The following TNFSF10 variants were observed in gnomAD, a reference collection of about 807,000 sequenced individuals.
TNFSF10 encodes TNF superfamily member 10.
A neutral mutation model predicts 29.5 loss-of-function variants in TNFSF10; 13 were observed. The ratio of observed to expected loss-of-function variants is 0.44; its 90% confidence interval spans 0.29 to 0.70. TNFSF10 has a LOEUF of 0.70. Among genes scored for constraint, TNFSF10 ranks in the 30% least tolerant of loss-of-function variants. TNFSF10 has a pLI of 0.13. For missense variants in TNFSF10, 345 were observed against 330.9 expected (o/e 1.04, Z -0.33); for synonymous variants, 111 against 112.8 (o/e 0.98, Z 0.10).
chr3:172,516,494 C>A (rs1713443572), intron 1 of TNFSF10, among the ~76,000 whole-genome samples: 1 of 152,130 alleles, frequency 6.6e-6, no homozygotes, highest in South Asian at 2.1e-4. Flanking sequence ...GCCATGTAAC[C>A]CTTGGACATT....
At chr3:172,519,644 T>C (rs1343117876) in intron 1 of TNFSF10, among the ~76,000 whole-genome samples, 2 of 152,238 alleles carry the variant, frequency 1.3e-5, no homozygotes, top group African/African-American at 2.4e-5. Flanking sequence ...CTGACTTTAC[T>C]GGTCATCTAA....
intron 1 of TNFSF10, among the ~76,000 whole-genome samples, chr3:172,517,034 T>C (rs948972216): frequency 6.6e-6 from 1 of 152,212 alleles, no homozygotes; most frequent in African/African-American, 2.4e-5. Flanking sequence ...TGTAACTTGT[T>C]GGGGCAAGAA....
chr3:172,508,038 A>G (rs1233585640), intron 4 of TNFSF10, among the ~76,000 whole-genome samples: 1 of 152,178 alleles, frequency 6.6e-6, no homozygotes, highest in Admixed American at 6.5e-5. Flanking sequence ...CTAGATATTT[A>G]CACTATAAGA....
intron 1 of TNFSF10, among the ~76,000 whole-genome samples, chr3:172,521,032 C>T (rs1256438827): frequency 6.6e-6 from 1 of 152,186 alleles, no homozygotes; most frequent in Non-Finnish European, 1.5e-5. Flanking sequence ...CCCTTCCTTA[C>T]AGCTTCTACA....
At chr3:172,515,902 A>G (rs1011304263) in intron 1 of TNFSF10, among the ~76,000 whole-genome samples, 1 of 152,222 alleles carries the variant, frequency 6.6e-6, no homozygotes, top group East Asian at 1.9e-4. Flanking sequence ...TGCTTTGCTC[A>G]TTTCTTCTCT....
chr3:172,507,300 G>A (rs957030177), intron 4 of TNFSF10: 3 of 190,600 alleles, frequency 1.6e-5, no homozygotes, highest in Non-Finnish European at 3.2e-5. Context: ...GAACTTAAGT[G>A]GACAATCCAG....
chr3:172,517,073 G>A (rs143364218), intron 1 of TNFSF10, among the ~76,000 whole-genome samples: 8 of 152,308 alleles, frequency 5.3e-5, no homozygotes, highest in Non-Finnish European at 1.2e-4. Flanking sequence ...AGGAGGGAGC[G>A]GTATGCCTTT....
chr3:172,516,124 C>A (rs149054521), intron 1 of TNFSF10, among the ~76,000 whole-genome samples: 1 of 151,932 alleles, frequency 6.6e-6, no homozygotes, highest in Non-Finnish European at 1.5e-5. Flanking sequence ...ATTAGCTGGG[C>A]GTGGTGGCGG....
At chr3:172,518,568 T>C in intron 1 of TNFSF10, 1 of 943,698 alleles carries the variant, frequency 1.1e-6, no homozygotes, top group South Asian at 1.5e-5. Context: ...CATTCCTTTA[T>C]CATAAAACTT....
chr3:172,506,944 G>T (rs1201470697), intron 4 of TNFSF10, 25 bp from the exon 5 acceptor site: 1 of 1,534,544 alleles, frequency 6.5e-7, no homozygotes, highest in African/African-American at 1.4e-5. Context: ...GAGAGAAAGA[G>T]CGTTAACAGA....
chr3:172,518,911 G>A (rs1296721873), intron 1 of TNFSF10, among the ~76,000 whole-genome samples: 1 of 150,478 alleles, frequency 6.6e-6, no homozygotes, highest in Non-Finnish European at 1.5e-5. Context: ...TATAAAAATA[G>A]CATTGTATTG....
intron 1 of TNFSF10, chr3:172,517,717 T>C (rs932660135): frequency 2.2e-5 from 22 of 985,018 alleles, no homozygotes; most frequent in Non-Finnish European, 2.7e-5. Flanking sequence ...GTTCTTTAAA[T>C]CTGTATGAAA....
Position 172,511,677 on chromosome 3 carries a change from T to G in TNFSF10, c.271-18A>C. ...AAAATCATCTGCAAATATTATTGAATAAAGCTTGTTAATTTCCCTAAAAAT... is the reference window on the plus strand; with the variant it reads ...AAAATCATCTGCAAATATTATTGAAGAAAGCTTGTTAATTTCCCTAAAAAT... On this transcript the variant is annotated intron_variant, in intron 2 of 4. Coordinates refer to ENST00000241261, the MANE Select transcript of TNFSF10 (RefSeq NM_003810.4). The G allele has an allele frequency of 6.2e-7, 1 of 1,607,648 alleles. No homozygotes were observed. The highest frequency in any genetic ancestry group is 8.5e-7 in the Non-Finnish European group (1 of 1,176,154).
At chr3:172,518,411 G>A in intron 1 of TNFSF10, 5 of 1,289,258 alleles carry the variant, frequency 3.9e-6, no homozygotes, top group East Asian at 5.5e-5. Flanking sequence ...CAAGATGGCA[G>A]CAATGACCCT....
intron 1 of TNFSF10, among the ~76,000 whole-genome samples, chr3:172,516,585 T>C (rs1184896962): frequency 1.3e-5 from 2 of 152,226 alleles, no homozygotes; most frequent in African/African-American, 4.8e-5. Context: ...ATCATTCATT[T>C]ACTTTTAAAC....
intron 1 of TNFSF10, among the ~76,000 whole-genome samples, chr3:172,516,000 T>C (rs1018424850): frequency 9.9e-5 from 15 of 152,174 alleles, no homozygotes; most frequent in South Asian, 2.1e-4. Context: ...CGGTGGCTCA[T>C]GCCTATAATC....
intron 2 of TNFSF10, 57 bp downstream of exon 2, chr3:172,514,804 A>G: frequency 6.3e-7 from 1 of 1,592,706 alleles, no homozygotes; most frequent in Non-Finnish European, 8.5e-7. Flanking sequence ...CTTTGCTTTA[A>G]GGAATTCTTC....
At chr3:172,515,139 T>A (rs1713379513) in intron 1 of TNFSF10, 141 bp from the exon 2 acceptor site, 3 of 1,058,008 alleles carry the variant, frequency 2.8e-6, no homozygotes, top group Non-Finnish European at 4.1e-6. Context: ...GAAATAAAAG[T>A]AAGCATGCTC....
At chr3:172,516,056 A>G (rs1041898431) in intron 1 of TNFSF10, among the ~76,000 whole-genome samples, 1 of 152,134 alleles carries the variant, frequency 6.6e-6, no homozygotes, top group Non-Finnish European at 1.5e-5. Context: ...AAGTCAGGAG[A>G]TCGAGACCAT....
Sources: allele counts gnomAD v4.1 joint callset (sites outside exome capture counted in the v4.1 genomes callset), GRCh38; gene constraint gnomAD v4.1.1; transcripts MANE v1.5; gene names NCBI Gene and HGNC (gene_info 2026-07-23, HGNC 2026-07-21).